CASZ1: variants seen among roughly 807,000 people sequenced by gnomAD.
CASZ1 encodes castor zinc finger 1, also known as zinc finger protein castor homolog 1.
In CASZ1, 28 loss-of-function variants were observed where a neutral mutation model predicts 135.2. That is an observed-to-expected ratio of 0.21 (90% CI 0.15 to 0.28). CASZ1 has a LOEUF of 0.28. Ranked by LOEUF, CASZ1 falls within the 10% of genes least tolerant of loss-of-function variation. The pLI is 1.00. For missense variants in CASZ1, 2,161 were observed against 2,453.3 expected (o/e 0.88, Z 2.52); for synonymous variants, 1,068 against 1,073.4 (o/e 0.99, Z 0.10).
chr1:10,793,722 G>A (rs1355144338), intron 1 of CASZ1, among the ~76,000 whole-genome samples: 14 of 151,438 alleles, frequency 9.2e-5, no homozygotes, highest in Admixed American at 5.9e-4. Flanking sequence ...GGGGTGGGTG[G>A]CGGGGGGGCG....
Position 10,719,078 on chromosome 1 carries a change from A to G in CASZ1, c.-76-13534T>C, listed in dbSNP as rs778329020. Among the ~76,000 whole-genome samples the G allele has an allele frequency of 1.3e-5, 2 of 151,740 alleles. No homozygotes were observed. The highest frequency in any genetic ancestry group is 2.4e-5 in the African/African-American group (1 of 41,278). On this transcript the variant is annotated intron_variant, in intron 2 of 20. Transcript: ENST00000377022. The surrounding 1 kb of genome is among the most constrained non-coding windows in gnomAD (Gnocchi z 4.0). Reference sequence around the variant, plus strand: ...CAGGCACTCGCCACCACACCTGGCTAATTTTTTTTTTACTTTTAGTGGAGG... The same window carrying G: ...CAGGCACTCGCCACCACACCTGGCTGATTTTTTTTTTACTTTTAGTGGAGG...
chr1:10,791,503 C>G (rs57060648), intron 1 of CASZ1, among the ~76,000 whole-genome samples: 2,115 of 152,302 alleles, frequency 0.014, 52 homozygotes, highest in African/African-American at 0.046. Flanking sequence ...TTCCTCCCCC[C>G]GTCATGCTAA....
chr1:10,753,779 C>A (rs990137046), intron 2 of CASZ1, among the ~76,000 whole-genome samples: 2 of 152,096 alleles, frequency 1.3e-5, no homozygotes, highest in Non-Finnish European at 2.9e-5. Context: ...AAGGGCGATC[C>A]GGGCACATAT....
Position 10,647,293 on chromosome 1 carries a change from G to T in CASZ1, c.3497+508C>A. ...ACAAAGTCACCGTTCTCCCTGCAAG[G>T]AGCCACCACCATCCAGTGAGGAGGG... is the stretch of plus-strand genomic sequence containing the variant. On this transcript the variant is annotated intron_variant, in intron 16 of 20. Transcript: ENST00000377022. The surrounding 1 kb of genome is among the most constrained non-coding windows in gnomAD (Gnocchi z 4.9). 3 of 1,000,266 alleles carry T rather than the reference G, an allele frequency of 3.0e-6. No individual in the cohort carries two copies. The South Asian group carries it at 1.3e-4, about 43-fold the overall frequency. The allele number at this position is 1,000,266 out of a possible 1,614,324, so 62.0% of individuals were successfully genotyped here.
In CASZ1 at chr1:10,716,939, T is replaced by C. The variant is rs1237439355; in HGVS notation, c.-76-11395A>G. Among the ~76,000 whole-genome samples, 3 of 152,166 alleles carry C rather than the reference T, an allele frequency of 2.0e-5. No individual in the cohort carries two copies. The East Asian group carries it at 5.8e-4, about 29-fold the overall frequency. On this transcript the variant is annotated intron_variant, in intron 2 of 20. Coordinates refer to ENST00000377022, the MANE Select transcript of CASZ1 (RefSeq NM_001079843.3). ...GCGGCTCTCTCTCCCTGGCAGTCTC[T>C]TTTACGTTCGGTCAAACTTCTCCCC...
At chr1:10,748,537 C>T (rs561735511) in intron 2 of CASZ1, among the ~76,000 whole-genome samples, 176 of 152,264 alleles carry the variant, frequency 1.2e-3, no homozygotes, top group African/African-American at 3.2e-3. Flanking sequence ...TGCAGAGTGA[C>T]GGCCATGTCT....
In CASZ1 at chr1:10,681,875, AGCCCCAGGCTCACCTCCAAAC is replaced by A. The variant is rs113378531; in HGVS notation, c.16+11978_16+11998del. On this transcript the variant is annotated intron_variant, in intron 4 of 20. Transcript: ENST00000377022. ...TTCTCTTGGGTCTCTGGCCCTCTTGAGCCCCAGGCTCACCTCCAAACGCCCTTCACAGGGCTCTACCCAGAG... is the reference window on the plus strand; with the variant it reads ...TTCTCTTGGGTCTCTGGCCCTCTTGAGCCCTTCACAGGGCTCTACCCAGAG... Among the ~76,000 whole-genome samples the A allele has an allele frequency of 3.1e-3, 467 of 152,244 alleles. 5 individuals carry two copies. Among genetic ancestry groups the A allele is most frequent in the African/African-American group, 0.011 (442 of 41,534 alleles).
Position 10,694,693 on chromosome 1 carries a change from G to GCGCGCCCCCGCCGCGCGCGCC in CASZ1, c.-23-802_-23-782dup, listed in dbSNP as rs1338045207. Among the ~76,000 whole-genome samples the GCGCGCCCCCGCCGCGCGCGCC allele has an allele frequency of 2.3e-5, 3 of 132,340 alleles. No homozygotes were observed. The highest frequency in any genetic ancestry group is 5.0e-5 in the Non-Finnish European group (3 of 60,242). The allele number at this position is 132,340 out of a possible 152,430, so 86.8% of individuals were successfully genotyped here. A position where few individuals can be genotyped will look rare whatever the true frequency, so the allele number is the denominator to read the frequency against. ...GCTCGCGCTCGCTCGCGCCCCCGCC[G>GCGCGCCCCCGCCGCGCGCGCC]CGCGCCCCCGCCGCGCGCGCCCGCG... On this transcript the variant is annotated intron_variant, in intron 3 of 20. Transcript: ENST00000377022. This position sits in a 1 kb window ranked among gnomAD's most constrained non-coding sequence, Gnocchi z 6.6.
At chr1:10,764,364 TAAGGGCACACTGATA>T (rs1199993454) in intron 1 of CASZ1, among the ~76,000 whole-genome samples, 2 of 152,258 alleles carry the variant, frequency 1.3e-5, no homozygotes, top group Non-Finnish European at 2.9e-5. Flanking sequence ...AGGCTGGGCA[TAAGGGCACACTGATA>T]AGTGGCCTCT....
chr1:10,792,212 G>A (rs1640968239), intron 1 of CASZ1, among the ~76,000 whole-genome samples: 1 of 140,218 alleles, frequency 7.1e-6, no homozygotes, highest in Non-Finnish European at 1.5e-5. Context: ...TAGCAGGGGT[G>A]GAGTCAGTTT....
At chr1:10,764,878 G>A (rs188858545) in intron 1 of CASZ1, among the ~76,000 whole-genome samples, 212 of 152,306 alleles carry the variant, frequency 1.4e-3, no homozygotes, top group African/African-American at 4.9e-3. Flanking sequence ...ATGAACCCCT[G>A]AACACATCTT....
chr1:10,660,904 A>C (rs1570433444), intron 5 of CASZ1: 7 of 238,760 alleles, frequency 2.9e-5, no homozygotes, highest in Admixed American at 5.2e-5. Context: ...CCAGATCCCA[A>C]CCTGCCTCCC....
In CASZ1 at chr1:10,639,424, G is replaced by C. The variant is rs1642121282; in HGVS notation, c.4798C>G (p.Arg1600Gly). The change falls in exon 21 of 21, where the codon CGC becomes GGC. Residue 1600 changes from arginine to glycine, a missense_variant. Around this residue, in one of 7 missense-constraint regions of CASZ1, gnomAD observed 240 missense variants for 321.4 expected, o/e 0.75. Coordinates refer to ENST00000377022, the MANE Select transcript of CASZ1 (RefSeq NM_001079843.3). The surrounding 1 kb of genome is among the most constrained non-coding windows in gnomAD (Gnocchi z 4.0). Reference protein sequence around the residue: ...SHKRKHEKQERGEPAAEGPAP... With the variant: ...SHKRKHEKQEGGEPAAEGPAP... ...GGGCCCTCTGCCGCGGGCTCGCCGCGCTCCTGCTTCTCGTGCTTGCGCTTG... is the reference window on the plus strand; with the variant it reads ...GGGCCCTCTGCCGCGGGCTCGCCGCCCTCCTGCTTCTCGTGCTTGCGCTTG... 1 of 1,566,636 alleles carries C rather than the reference G, an allele frequency of 6.4e-7. No homozygotes were observed. Among genetic ancestry groups the C allele is most frequent in the Non-Finnish European group, 8.6e-7 (1 of 1,156,700 alleles).
intron 1 of CASZ1, among the ~76,000 whole-genome samples, chr1:10,763,007 GCCT>G (rs1326138834): frequency 6.6e-6 from 1 of 152,286 alleles, no homozygotes; most frequent in Admixed American, 6.5e-5. Flanking sequence ...GTGTGGCCAG[GCCT>G]CCTCCTCCTT....
At position 10,647,624 on chromosome 1, in the gene CASZ1, GAGGT is replaced by G; in HGVS notation, c.3497+173_3497+176del. ...GCTGGCCTGCTCTGGGACAGGCAGT[GAGGT>G]AGGAGCAGCAGCATCTTTGGCTAGA... On this transcript the variant is annotated intron_variant, in intron 16 of 20. Coordinates refer to ENST00000377022, the MANE Select transcript of CASZ1 (RefSeq NM_001079843.3). The surrounding 1 kb of genome is among the most constrained non-coding windows in gnomAD (Gnocchi z 4.9). 1.4e-6 allele frequency: 2 copies of G among 1,453,350 alleles called. No homozygotes were observed. The highest frequency in any genetic ancestry group is 1.8e-6 in the Non-Finnish European group (2 of 1,106,210). The allele number at this position is 1,453,350 out of a possible 1,614,324, so 90.0% of individuals were successfully genotyped here.
intron 2 of CASZ1, among the ~76,000 whole-genome samples, chr1:10,733,184 C>T (rs767742165): frequency 6.6e-6 from 1 of 152,186 alleles, no homozygotes; most frequent in African/African-American, 2.4e-5. Context: ...GCCTCCAGCA[C>T]GGGGGACTAG....
At chr1:10,771,912 C>A (rs1257075452) in intron 1 of CASZ1, among the ~76,000 whole-genome samples, 1 of 152,184 alleles carries the variant, frequency 6.6e-6, no homozygotes, top group East Asian at 1.9e-4. Flanking sequence ...AGCCCCTTGT[C>A]CCGTCCCAGC....
chr1:10,657,190 C>T lies in CASZ1; in HGVS notation c.1410-454G>A, dbSNP rs1438288395. ...GCTTTTCCTGACACTTGAAACAGTG[C>T]AGAGCTATGAATTTTTAAAGCACAG... On this transcript the variant is annotated intron_variant, in intron 7 of 20. Coordinates refer to ENST00000377022, the MANE Select transcript of CASZ1 (RefSeq NM_001079843.3). This position sits in a 1 kb window ranked among gnomAD's most constrained non-coding sequence, Gnocchi z 5.7. 1.3e-5 allele frequency among the ~76,000 whole-genome samples: 2 copies of T among 152,214 alleles called. No homozygotes were observed. The highest frequency in any genetic ancestry group is 4.8e-5 in the African/African-American group (2 of 41,452).
chr1:10,766,400 G>A (rs1640479294), intron 1 of CASZ1, among the ~76,000 whole-genome samples: 1 of 152,230 alleles, frequency 6.6e-6, no homozygotes. Context: ...GTAAAATGGG[G>A]ATAAAGATAG....
Sources: allele counts gnomAD v4.1 joint callset (sites outside exome capture counted in the v4.1 genomes callset), GRCh38; gene constraint gnomAD v4.1.1; regional missense constraint gnomAD v4.1.1; non-coding constraint Gnocchi (gnomAD v3.1); transcripts MANE v1.5; gene names NCBI Gene and HGNC (gene_info 2026-07-23, HGNC 2026-07-21).